BAHCC1: variants seen among roughly 807,000 people sequenced by gnomAD.
BAHCC1 encodes the protein BAH domain and coiled-coil containing 1.
BAHCC1 carries 43 observed loss-of-function variants against 88.2 expected under a neutral mutation model. The ratio of observed to expected loss-of-function variants is 0.49; its 90% CI spans 0.38 to 0.63. The LOEUF (loss-of-function observed/expected upper bound fraction) is 0.63, where lower values mean the gene tolerates loss of function less well. BAHCC1 is among the 20% of genes least tolerant of loss of function. BAHCC1 has a pLI of 0.00. For missense variants in BAHCC1, 3,023 were observed against 1,654.8 expected, an observed-to-expected ratio of 1.83 and a Z score of -14.34; for synonymous variants, 1,510 against 745.5, an observed-to-expected ratio of 2.03 and a Z score of -16.71.
chr17:81,426,050 G>A (rs1242639586), intron 2 of BAHCC1, among the ~76,000 whole-genome samples: 1 of 151,268 alleles, frequency 6.6e-6, no homozygotes, highest in Non-Finnish European at 1.5e-5. Context: ...GTGGCTCGTG[G>A]TGGTGGTGGT....
At chr17:81,416,108 G>C (rs1555648637) in intron 2 of BAHCC1, among the ~76,000 whole-genome samples, 1 of 135,498 alleles carries the variant, frequency 7.4e-6, no homozygotes. Flanking sequence ...ATGAGGATGG[G>C]TGTGTGTGTG....
intron 2 of BAHCC1, among the ~76,000 whole-genome samples, chr17:81,420,055 TG>T (rs1555649438): frequency 1.3e-5 from 2 of 152,110 alleles, no homozygotes; most frequent in East Asian, 3.9e-4. Flanking sequence ...CTCTGCTGTG[TG>T]GGTCCTCGGG....
chr17:81,418,617 G>A (rs74002266), intron 2 of BAHCC1, among the ~76,000 whole-genome samples: 1 of 152,158 alleles, frequency 6.6e-6, no homozygotes, highest in African/African-American at 2.4e-5. Flanking sequence ...AAGAGCCCTT[G>A]CCAAGGTTCA....
intron 2 of BAHCC1, chr17:81,415,594 A>G (rs370696860): frequency 1.2e-5 from 6 of 510,716 alleles, no homozygotes; most frequent in Non-Finnish European, 2.3e-5. Context: ...CTGGGATACT[A>G]CAGCCTGAGC....
At position 81,445,386 on chromosome 17, in the gene BAHCC1, G is replaced by A. The variant is rs2064505318; in HGVS notation, c.2868G>A (p.Glu956=). ...RKPEDQHLDL[E]EPAQEKAPKS... is the part of the protein sequence containing the mutation. ...CCGAAGACCAGCACCTGGATCTGGAGGAGCCCGCCCAGGAGAAGGCCCCAA... is the reference window on the plus strand; with the variant it reads ...CCGAAGACCAGCACCTGGATCTGGAAGAGCCCGCCCAGGAGAAGGCCCCAA... The change falls in exon 10 of 28, where the codon GAG becomes GAA. Residue 956 remains glutamate, a synonymous_variant. Transcript: ENST00000675386. 1.3e-6 allele frequency: 1 copy of A among 777,146 alleles called. No homozygotes were observed. The highest frequency in any genetic ancestry group is 1.7e-5 in the Admixed American group (1 of 58,804). The allele number at this position is 777,146 out of a possible 1,614,324, so 48.1% of individuals were successfully genotyped here.
intron 10 of BAHCC1, chr17:81,446,746 G>A: frequency 1.7e-6 from 1 of 591,086 alleles, no homozygotes; most frequent in Non-Finnish European, 3.2e-6. Flanking sequence ...AGTGGCACGT[G>A]CTCACTCTGT....
intron 4 of BAHCC1, among the ~76,000 whole-genome samples, chr17:81,439,631 T>G (rs1598483741): frequency 1.4e-4 from 19 of 139,866 alleles, no homozygotes; most frequent in South Asian, 4.7e-4. Flanking sequence ...AGAAGGGAGG[T>G]GGGGACAGAT....
intron 21 of BAHCC1, 31 bp downstream of exon 21, chr17:81,459,199 G>T (rs782627618): frequency 6.5e-6 from 5 of 769,696 alleles, no homozygotes; most frequent in East Asian, 2.5e-5. Flanking sequence ...GGCAGGGCAG[G>T]GGCCTGGAGG....
chr17:81,409,814 G>A (rs6565565), intron 2 of BAHCC1, among the ~76,000 whole-genome samples: 46,446 of 152,172 alleles, frequency 0.31, 7,385 homozygotes, highest in Non-Finnish European at 0.35. Flanking sequence ...GTGCCAGCGA[G>A]GGGGAGACCA....
rs782478641 is a variant in BAHCC1 at position 81,463,728 on chromosome 17, G to A, written c.7738G>A (p.Asp2580Asn). 22 of 778,996 alleles carry A rather than the reference G, an allele frequency of 2.8e-5. No individual in the cohort carries two copies. The highest frequency in any genetic ancestry group is 2.2e-4 in the Middle Eastern group (1 of 4,462). The allele number at this position is 778,996 out of a possible 1,614,324, so 48.3% of individuals were successfully genotyped here. A position where few individuals can be genotyped will look rare whatever the true frequency, so the allele number is the denominator to read the frequency against. ...EQMARSRKCQDRQDLYYLAGT... is the reference protein window; with the variant it reads ...EQMARSRKCQNRQDLYYLAGT... ...GATGGCCCGGAGCCGCAAGTGCCAG[G>A]ACCGGCAGGACCTCTACTACCTGGC... Residue 2580 changes from aspartate to asparagine, a missense_variant, in exon 28 of 28, where the codon GAC (aspartate) becomes AAC (asparagine). Asp to Asn is a conservative substitution (Grantham distance 23). Coordinates refer to ENST00000675386, the MANE Select transcript of BAHCC1 (RefSeq NM_001377448.1).
intron 2 of BAHCC1, chr17:81,402,314 A>G (rs1183516420): frequency 6.6e-6 from 1 of 152,224 alleles, no homozygotes; most frequent in Non-Finnish European, 1.5e-5. Context: ...GCCTTTTGAA[A>G]TTGTTAAGAG....
At chr17:81,415,884 C>T (rs879986314) in intron 2 of BAHCC1, among the ~76,000 whole-genome samples, 2 of 152,276 alleles carry the variant, frequency 1.3e-5, no homozygotes, top group Non-Finnish European at 2.9e-5. Context: ...GAGGACGGCC[C>T]AGGATGGCTG....
chr17:81,459,953 G>A (rs2030097743), intron 23 of BAHCC1, among the ~76,000 whole-genome samples: 1 of 152,150 alleles, frequency 6.6e-6, no homozygotes, highest in Non-Finnish European at 1.5e-5. Flanking sequence ...AAGGCTCAAG[G>A]GTCCCACAGG....
chr17:81,443,661 C>T (rs2064467279), intron 5 of BAHCC1, 97 bp downstream of exon 5: 1 of 632,166 alleles, frequency 1.6e-6, no homozygotes, highest in Non-Finnish European at 2.9e-6. Context: ...CCACACCTGC[C>T]CTTGGCAGAC....
At chr17:81,397,625 C>G (rs1473014456) in intron 1 of BAHCC1, among the ~76,000 whole-genome samples, 1 of 152,122 alleles carries the variant, frequency 6.6e-6, no homozygotes, top group Non-Finnish European at 1.5e-5. Flanking sequence ...GCCCCCACGT[C>G]CCTAGTCCAG....
chr17:81,408,107 G>A (rs2063903737), intron 2 of BAHCC1, among the ~76,000 whole-genome samples: 1 of 152,180 alleles, frequency 6.6e-6, no homozygotes, highest in Admixed American at 6.5e-5. Flanking sequence ...CCCCTGTGTG[G>A]CTGTGGACCG....
Position 81,411,240 on chromosome 17 carries a change from C to T in BAHCC1, c.178+11323C>T. 2.0e-6 allele frequency: 1 copy of T among 509,162 alleles called. No homozygotes were observed. The highest frequency in any genetic ancestry group is 1.4e-5 in the South Asian group (1 of 70,578). The allele number at this position is 509,162 out of a possible 1,614,324, so 31.5% of individuals were successfully genotyped here. On this transcript the variant is annotated intron_variant, in intron 2 of 27. Coordinates refer to ENST00000675386, the MANE Select transcript of BAHCC1 (RefSeq NM_001377448.1). This position sits in a 1 kb window ranked among gnomAD's most constrained non-coding sequence, Gnocchi z 6.2. ...AGTGGGGCCCCAGGAGGACTCGCCA[C>T]CCCCAGTTGAGCAGCTCCCCTTCTC...
At chr17:81,401,923 G>A (rs568774133) in intron 2 of BAHCC1, 2 of 152,338 alleles carry the variant, frequency 1.3e-5, no homozygotes, top group Admixed American at 6.5e-5. Flanking sequence ...GGCAGCACCC[G>A]GGTAGGTGGG....
chr17:81,411,077 C>A lies in BAHCC1; in HGVS notation c.178+11160C>A. 1 of 519,334 alleles carries A rather than the reference C, an allele frequency of 1.9e-6. No individual in the cohort carries two copies. Among genetic ancestry groups the A allele is most frequent in the Non-Finnish European group, 3.8e-6 (1 of 259,762 alleles). The allele number at this position is 519,334 out of a possible 1,614,324, so 32.2% of individuals were successfully genotyped here. On this transcript the variant is annotated intron_variant, in intron 2 of 27. Transcript: ENST00000675386. This position sits in a 1 kb window ranked among gnomAD's most constrained non-coding sequence, Gnocchi z 6.2. ...CTCCCCTCGGGCCTGAGGGGTCCCT[C>A]TCTCTGGGGTCACGCTCCCTTGTTC...
Sources: gnomAD v4.1 joint callset for allele counts (sites outside exome capture counted in the v4.1 genomes callset) on GRCh38, gnomAD v4.1.1 for gene constraint, Gnocchi (gnomAD v3.1) non-coding constraint, MANE v1.5 for transcripts, NCBI Gene and HGNC (gene_info 2026-07-23, HGNC 2026-07-21) for gene names.